Variants in ANKS1A observed in about 807,000 individuals in gnomAD.
ANKS1A encodes ankyrin repeat and SAM domain-containing protein 1A.
In ANKS1A, 55 loss-of-function variants were observed where a neutral mutation model predicts 120.3. The ratio of observed to expected loss-of-function variants is 0.46; its 90% CI spans 0.37 to 0.57. The LOEUF is 0.57. ANKS1A is among the 20% of genes least tolerant of loss of function. The pLI is 0.00. For missense variants in ANKS1A, 1,123 were observed against 1,480.3 expected (o/e 0.76, Z 3.96); for synonymous variants, 590 against 604.7 (o/e 0.98, Z 0.36).
At chr6:34,927,303 G>A (rs1768764445) in intron 1 of ANKS1A, among the ~76,000 whole-genome samples, 1 of 151,994 alleles carries the variant, frequency 6.6e-6, no homozygotes, top group Non-Finnish European at 1.5e-5. Flanking sequence ...CAGACAAGGG[G>A]ACAATGTGCA....
chr6:34,915,530 A>G (rs987654436), intron 1 of ANKS1A, among the ~76,000 whole-genome samples: 1 of 152,126 alleles, frequency 6.6e-6, no homozygotes, highest in African/African-American at 2.4e-5. Flanking sequence ...AATTTTTTCT[A>G]GAGATGGGGT....
rs1286352905 is a variant in ANKS1A at position 35,084,070 on chromosome 6, C to T, written c.2995-51C>T. ...TGGTAACAGGCTGGGGCAGGGGGTG[C>T]CAGAGGCATGCCTGAGCCTGAGAAT... is the stretch of plus-strand genomic sequence containing the variant. On this transcript the variant is annotated intron_variant, in intron 20 of 23. Coordinates refer to ENST00000360359, the MANE Select transcript of ANKS1A (RefSeq NM_015245.3). The surrounding 1 kb of genome is among the most constrained non-coding windows in gnomAD (Gnocchi z 4.8). The T allele has an allele frequency of 1.9e-6, 3 of 1,606,530 alleles. No individual in the cohort carries two copies. Among genetic ancestry groups the T allele is most frequent in the East Asian group, 2.2e-5 (1 of 44,802 alleles).
intron 13 of ANKS1A, among the ~76,000 whole-genome samples, 181 bp from the exon 14 acceptor site, chr6:35,078,367 CAGCTCTGCCT>C (rs1449556336): frequency 1.3e-5 from 2 of 152,312 alleles, no homozygotes; most frequent in East Asian, 1.9e-4. Flanking sequence ...TCTGGAGCCC[CAGCTCTGCCT>C]AGCTCCCCTG....
At chr6:35,054,304 T>TC in intron 12 of ANKS1A, 139 bp downstream of exon 12, 1 of 717,208 alleles carries the variant, frequency 1.4e-6, no homozygotes, top group South Asian at 1.8e-5. Context: ...CTCCTATAAT[T>TC]CAGTCTCCAA....
chr6:34,911,729 G>C (rs757393312), intron 1 of ANKS1A, among the ~76,000 whole-genome samples: 3 of 152,206 alleles, frequency 2.0e-5, no homozygotes, highest in Non-Finnish European at 4.4e-5. Context: ...CCAAAATTTA[G>C]TCGTCTGCTT....
intron 10 of ANKS1A, among the ~76,000 whole-genome samples, chr6:34,999,042 A>G (rs1773008917): frequency 6.6e-6 from 1 of 152,232 alleles, no homozygotes; most frequent in Admixed American, 6.5e-5. Context: ...GTGGAGGATC[A>G]GCACAGTGGC....
intron 1 of ANKS1A, among the ~76,000 whole-genome samples, chr6:34,939,219 C>G (rs1050978035): frequency 2.4e-4 from 36 of 152,154 alleles, no homozygotes; most frequent in African/African-American, 8.4e-4. Context: ...TCTAGGAGCC[C>G]TTCCCTACAG....
chr6:35,062,471 T>C (rs996689059), intron 13 of ANKS1A, among the ~76,000 whole-genome samples: 1 of 152,200 alleles, frequency 6.6e-6, no homozygotes, highest in African/African-American at 2.4e-5. Context: ...GTGGATCCCA[T>C]GTGGTTAGGT....
chr6:35,037,698 C>T (rs1775246655), intron 11 of ANKS1A, among the ~76,000 whole-genome samples: 1 of 152,154 alleles, frequency 6.6e-6, no homozygotes, highest in Non-Finnish European at 1.5e-5. Context: ...ACCCAGTGTA[C>T]AGGTCTAGAG....
chr6:35,079,422 CCA>C (rs1320258053), intron 14 of ANKS1A, 92 bp from the exon 15 acceptor site: 3 of 1,519,884 alleles, frequency 2.0e-6, no homozygotes, highest in African/African-American at 1.4e-5. Flanking sequence ...GGCCCCCTGG[CCA>C]CAGTCTGTGT....
chr6:34,925,253 A>G (rs968446162), intron 1 of ANKS1A, among the ~76,000 whole-genome samples: 2 of 152,146 alleles, frequency 1.3e-5, no homozygotes, highest in Non-Finnish European at 2.9e-5. Context: ...TGGGCATTCT[A>G]TAAATGCTCT....
At chr6:35,008,436 T>C (rs1773574742) in intron 10 of ANKS1A, among the ~76,000 whole-genome samples, 1 of 152,188 alleles carries the variant, frequency 6.6e-6, no homozygotes, top group Admixed American at 6.5e-5. Context: ...AGTCTCAAGC[T>C]CCTGGCCTCA....
chr6:34,949,788 A>G (rs886991105), intron 1 of ANKS1A, among the ~76,000 whole-genome samples: 7 of 152,172 alleles, frequency 4.6e-5, no homozygotes, highest in African/African-American at 1.7e-4. Context: ...GGGGATGGGT[A>G]CTGAAGTTGT....
chr6:34,901,283 A>G (rs1767338863), intron 1 of ANKS1A, among the ~76,000 whole-genome samples: 1 of 152,054 alleles, frequency 6.6e-6, no homozygotes, highest in African/African-American at 2.4e-5. Flanking sequence ...TGCATTCTCA[A>G]ATAATTAGTT....
intron 10 of ANKS1A, among the ~76,000 whole-genome samples, chr6:34,998,646 T>C (rs1331007964): frequency 6.6e-6 from 1 of 152,194 alleles, no homozygotes; most frequent in Non-Finnish European, 1.5e-5. Context: ...ACCCCCTGCT[T>C]GCTCAATCGA....
chr6:34,911,017 A>G (rs939347467), intron 1 of ANKS1A, among the ~76,000 whole-genome samples: 3 of 152,306 alleles, frequency 2.0e-5, no homozygotes, highest in East Asian at 1.9e-4. Flanking sequence ...CTCTAGTAGA[A>G]GGGTAGTATT....
chr6:35,021,463 G>A (rs564857336), intron 11 of ANKS1A, among the ~76,000 whole-genome samples: 6 of 152,260 alleles, frequency 3.9e-5, no homozygotes, highest in Admixed American at 6.5e-5. Flanking sequence ...TCTCCACCTC[G>A]GTGCATGGAC....
intron 12 of ANKS1A, among the ~76,000 whole-genome samples, 190 bp from the exon 13 acceptor site, chr6:35,059,940 GTGTGGACAGCACCAGGT>G (rs1776404909): frequency 6.6e-6 from 1 of 152,196 alleles, no homozygotes; most frequent in Non-Finnish European, 1.5e-5. Flanking sequence ...GCTGGGCAGT[GTGTGGACAGCACCAGGT>G]GGTCCTGTCC....
At position 35,057,497 on chromosome 6, in the gene ANKS1A, C is replaced by A. The variant is rs754720597; in HGVS notation, c.2078-2650C>A. On this transcript the variant is annotated intron_variant, in intron 12 of 23. Transcript: ENST00000360359. The surrounding 1 kb of genome is among the most constrained non-coding windows in gnomAD (Gnocchi z 4.1). The stretch of plus-strand genomic sequence containing the variant: ...CTACAGCCTATTGGGATACCAGTAT[C>A]TCCCAGCATATTTAGAGGGTAATGT... Among the ~76,000 whole-genome samples the A allele has an allele frequency of 6.6e-6, 1 of 152,196 alleles. No individual in the cohort carries two copies. The highest frequency in any genetic ancestry group is 2.1e-4 in the South Asian group (1 of 4,834).
Sources: allele counts gnomAD v4.1 joint callset (sites outside exome capture counted in the v4.1 genomes callset), GRCh38; gene constraint gnomAD v4.1.1; non-coding constraint Gnocchi (gnomAD v3.1); transcripts MANE v1.5; gene names NCBI Gene and HGNC (gene_info 2026-07-23, HGNC 2026-07-21).